The following AP1B1 variants were observed in gnomAD, a reference collection of about 807,000 sequenced individuals.
AP1B1 encodes adaptor related protein complex 1 subunit beta 1.
Under a neutral mutation model 104.3 loss-of-function variants are expected in AP1B1, and 36 were observed. The ratio of observed to expected loss-of-function variants is 0.35; its 90% confidence interval spans 0.26 to 0.46. AP1B1 has a LOEUF of 0.46. Among genes scored for constraint, AP1B1 ranks in the 20% least tolerant of loss-of-function variants. The pLI, the probability that AP1B1 is intolerant of heterozygous loss-of-function variation, is 1.00. For synonymous variants in AP1B1, 504 were observed against 517.5 expected (o/e 0.97, Z 0.35); for missense variants, 901 against 1,247.9 (o/e 0.72, Z 4.19).
At chr22:29,373,967 G>GT (rs1309264841) in intron 1 of AP1B1, among the ~76,000 whole-genome samples, 1 of 150,874 alleles carries the variant, frequency 6.6e-6, no homozygotes, top group African/African-American at 2.4e-5. Flanking sequence ...GGAGGCTGAG[G>GT]GGGGTGGATC....
chr22:29,365,368 G>C (rs2519488), intron 2 of AP1B1, among the ~76,000 whole-genome samples: 3 of 151,992 alleles, frequency 2.0e-5, no homozygotes, highest in Non-Finnish European at 4.4e-5. Context: ...AAAAATAGCT[G>C]GGCATGGTGG....
At chr22:29,352,205 A>G (rs1167144191) in intron 7 of AP1B1, among the ~76,000 whole-genome samples, 1 of 152,204 alleles carries the variant, frequency 6.6e-6, no homozygotes, top group African/African-American at 2.4e-5. Flanking sequence ...GTACAGAAAC[A>G]TGTTACTACT....
At chr22:29,352,883 A>G (rs1411208468) in intron 7 of AP1B1, among the ~76,000 whole-genome samples, 3 of 152,158 alleles carry the variant, frequency 2.0e-5, no homozygotes, top group Non-Finnish European at 4.4e-5. Flanking sequence ...CTGCTGTGAG[A>G]GTGAGACGAG....
intron 1 of AP1B1, among the ~76,000 whole-genome samples, chr22:29,384,767 C>T (rs1388074350): frequency 1.3e-5 from 2 of 151,960 alleles, no homozygotes; most frequent in East Asian, 3.9e-4. Flanking sequence ...ACTCTGGAGG[C>T]TAAGGCATGA....
intron 3 of AP1B1, among the ~76,000 whole-genome samples, chr22:29,361,655 G>C (rs1453103595): frequency 6.6e-6 from 1 of 152,098 alleles, no homozygotes; most frequent in East Asian, 1.9e-4. Context: ...TTACAATCTG[G>C]TGAGCAGGTA....
intron 2 of AP1B1, among the ~76,000 whole-genome samples, chr22:29,366,600 G>A (rs1204164372): frequency 6.6e-6 from 1 of 152,108 alleles, no homozygotes; most frequent in African/African-American, 2.4e-5. Flanking sequence ...TTGCACTCCA[G>A]CCTGGGCAAC....
chr22:29,334,864 C>T (rs577496606), intron 16 of AP1B1, among the ~76,000 whole-genome samples: 2 of 152,348 alleles, frequency 1.3e-5, no homozygotes, highest in East Asian at 1.9e-4. Flanking sequence ...CCTGTCCTCC[C>T]TTGCAGGAGG....
intron 1 of AP1B1, among the ~76,000 whole-genome samples, chr22:29,378,550 ATC>A (rs1271272969): frequency 1.1e-5 from 1 of 87,954 alleles, no homozygotes; most frequent in African/African-American, 5.1e-5. Flanking sequence ...GAAACTCCGT[ATC>A]AAAAAAAAAA....
intron 1 of AP1B1, among the ~76,000 whole-genome samples, chr22:29,382,506 T>C (rs964434338): frequency 6.6e-6 from 1 of 152,200 alleles, no homozygotes; most frequent in African/African-American, 2.4e-5. Flanking sequence ...ATGGAGTTTA[T>C]GTCCTAATGG....
intron 11 of AP1B1, among the ~76,000 whole-genome samples, chr22:29,343,200 A>C (rs2061739801): frequency 6.6e-6 from 1 of 152,190 alleles, no homozygotes; most frequent in African/African-American, 2.4e-5. Context: ...TCACGGTCTC[A>C]TTTTTGCTAG....
intron 10 of AP1B1, among the ~76,000 whole-genome samples, 194 bp from the exon 11 acceptor site, chr22:29,349,577 G>C (rs2061842566): frequency 6.6e-6 from 1 of 151,756 alleles, no homozygotes; most frequent in Non-Finnish European, 1.5e-5. Flanking sequence ...GCAGTGGTGT[G>C]ATCTCACCTC....
chr22:29,335,233 T>A lies in AP1B1; in HGVS notation c.2164-823A>T, dbSNP rs527797907. Among the ~76,000 whole-genome samples, 67 of 152,288 alleles carry A rather than the reference T, an allele frequency of 4.4e-4. 1 individual carries two copies. The highest frequency in any genetic ancestry group is 3.7e-3 in the Admixed American group (56 of 15,292). On this transcript the variant is annotated intron_variant, in intron 16 of 22. Coordinates refer to ENST00000357586, the MANE Select transcript of AP1B1 (RefSeq NM_001127.4). ...TGGAAGACATCCACCAGCGGCATCC[T>A]GTGGGCTCACAAACGCCTCTCAGGC...
intron 11 of AP1B1, among the ~76,000 whole-genome samples, chr22:29,347,655 T>A (rs985267188): frequency 1.3e-5 from 2 of 152,192 alleles, no homozygotes; most frequent in Admixed American, 6.5e-5. Flanking sequence ...TTCAGCCTCA[T>A]TCATAACAGA....
intron 1 of AP1B1, among the ~76,000 whole-genome samples, chr22:29,379,353 C>T (rs986447167): frequency 6.6e-6 from 1 of 152,152 alleles, no homozygotes; most frequent in African/African-American, 2.4e-5. Context: ...TTCCTCTGGA[C>T]TTGAAAATAA....
In AP1B1 at chr22:29,351,789, G is replaced by A. The variant is rs115840226; in HGVS notation, c.975C>T (p.Phe325=). ...EILKHEMKVF[F]VKYNDPIYVK... is the part of the protein sequence containing the mutation. ...CGTAGATAGGGTCGTTGTACTTCAC[G>A]AAGAACACCTTCATCTCATGCTTCA... The change falls in exon 8 of 23, where the codon TTC becomes TTT. Residue 325 remains phenylalanine (F), a synonymous_variant. Coordinates refer to ENST00000357586, the MANE Select transcript of AP1B1 (RefSeq NM_001127.4). The A allele has an allele frequency of 6.2e-4, 995 of 1,614,160 alleles. 3 individuals carry two copies. In the African/African-American group the frequency reaches 0.011, roughly 18 times the overall value.
chr22:29,369,750 C>G (rs552778723), intron 1 of AP1B1, among the ~76,000 whole-genome samples: 1 of 152,190 alleles, frequency 6.6e-6, no homozygotes, highest in South Asian at 2.1e-4. Context: ...CTGAAAATCC[C>G]AGGGAGCCTC....
intron 11 of AP1B1, among the ~76,000 whole-genome samples, chr22:29,345,731 C>A (rs539241626): frequency 6.6e-6 from 1 of 152,208 alleles, no homozygotes. Context: ...GTTGCCCAGG[C>A]TGGAGTGCAG....
chr22:29,332,781 C>T lies in AP1B1; in HGVS notation c.2310-865G>A, dbSNP rs570857290. Among the ~76,000 whole-genome samples the T allele has an allele frequency of 2.0e-5, 3 of 152,346 alleles. No homozygotes were observed. In the South Asian group the frequency reaches 6.2e-4, roughly 32 times the overall value. On this transcript the variant is annotated intron_variant, in intron 17 of 22. Transcript: ENST00000357586. ...AGAAGCCATCAGCCTGCCTGGGACA[C>T]AGAGGGAGACCATTTGGGGAACCCC...
At chr22:29,362,635 G>A (rs1458340436) in intron 3 of AP1B1, among the ~76,000 whole-genome samples, 2 of 152,120 alleles carry the variant, frequency 1.3e-5, no homozygotes, top group African/African-American at 2.4e-5. Context: ...GTGAGCCACC[G>A]CGCCTGGCCC....
Sources: allele counts gnomAD v4.1 joint callset (sites outside exome capture counted in the v4.1 genomes callset), GRCh38; gene constraint gnomAD v4.1.1; transcripts MANE v1.5; gene names NCBI Gene and HGNC (gene_info 2026-07-23, HGNC 2026-07-21).